The following ZBTB32 variants were observed in gnomAD, a reference collection of about 807,000 sequenced individuals.
The protein encoded by ZBTB32 is zinc finger and BTB domain containing 32.
A neutral mutation model predicts 45.3 loss-of-function variants in ZBTB32; 28 were observed. The ratio of observed to expected loss-of-function variants is 0.62; its 90% CI spans 0.46 to 0.85. The LOEUF is 0.85. Among genes scored for constraint, ZBTB32 ranks in the 40% least tolerant of loss-of-function variants. The pLI is 0.00. For synonymous variants in ZBTB32, 283 were observed against 255.7 expected (o/e 1.11, Z -1.02); for missense variants, 587 against 624.4 (o/e 0.94, Z 0.64).
chr19:35,711,193 G>A (rs1968683613), intron 1 of ZBTB32, among the ~76,000 whole-genome samples: 1 of 152,200 alleles, frequency 6.6e-6, no homozygotes, highest in Admixed American at 6.5e-5. Flanking sequence ...TGGAAAGCGA[G>A]GGGGCCACAC....
In ZBTB32 at chr19:35,716,174, T is replaced by A. The variant is rs771046426; in HGVS notation, c.1066T>A (p.Cys356Ser). The A allele has an allele frequency of 1.2e-6, 2 of 1,613,740 alleles. No homozygotes were observed. The highest frequency in any genetic ancestry group is 1.3e-5 in the African/African-American group (1 of 74,908). Residue 356 changes from cysteine to serine, a missense_variant, in exon 6 of 7, where the codon TGC becomes AGC. By Grantham distance (112) the Cys-to-Ser change is moderately radical. Coordinates refer to ENST00000392197, the MANE Select transcript of ZBTB32 (RefSeq NM_014383.3). ...TGCGGGTCATGAGGACAAGGCAGGC[T>A]GCCCACCTCGCCCGCACCCTCCCCC... ...TCAGHEDKAG[C>S]PPRPHPPPAP...
chr19:35,706,228 CA>C (rs11331490), intron 1 of ZBTB32, among the ~76,000 whole-genome samples: 80,552 of 130,664 alleles, frequency 0.62, 23,796 homozygotes, highest in African/African-American at 0.78. Flanking sequence ...AACTCCATCT[CA>C]AAAAAAAAAA....
At position 35,715,265 on chromosome 19, in the gene ZBTB32, G is replaced by A. The variant is rs771311014; in HGVS notation, c.639G>A (p.Thr213=). 8.2e-6 allele frequency: 13 copies of A among 1,587,372 alleles called. No homozygotes were observed. The South Asian group carries it at 1.2e-4, about 15-fold the overall frequency. Reference sequence around the variant, plus strand: ...CAGATGGGAAGCATGGAGTGCTCACGTGGTTGAGGGAAAATCCAGGGGGCT... The same window carrying A: ...CAGATGGGAAGCATGGAGTGCTCACATGGTTGAGGGAAAATCCAGGGGGCT... ...RGADGKHGVL[T]WLRENPGGSE... is the part of the protein sequence containing the mutation. The change falls in exon 3 of 7, where the codon ACG becomes ACA. Residue 213 remains threonine, a synonymous_variant. Transcript: ENST00000392197.
At chr19:35,714,472 G>T in intron 2 of ZBTB32, 51 bp from the exon 3 acceptor site, 1 of 758,364 alleles carries the variant, frequency 1.3e-6, no homozygotes. Flanking sequence ...TCAGGACAGA[G>T]GGCTCTGATC....
intron 1 of ZBTB32, among the ~76,000 whole-genome samples, chr19:35,710,763 C>G (rs1367576105): frequency 1.3e-5 from 2 of 152,104 alleles, no homozygotes; most frequent in Non-Finnish European, 2.9e-5. Context: ...AAAATAAAAA[C>G]AAAACAGCAC....
intron 1 of ZBTB32, among the ~76,000 whole-genome samples, chr19:35,707,502 T>C (rs945778143): frequency 1.3e-5 from 2 of 151,580 alleles, no homozygotes; most frequent in African/African-American, 4.8e-5. Flanking sequence ...CCCAAGTAGC[T>C]GGGATTACAG....
chr19:35,715,699 G>A (rs1968855394), intron 3 of ZBTB32, 58 bp from the exon 4 acceptor site: 5 of 1,541,922 alleles, frequency 3.2e-6, no homozygotes, highest in South Asian at 2.4e-5. Flanking sequence ...CCCTCTTCAC[G>A]AAGGGGCCAG....
rs371476322 is a variant in ZBTB32, at chr19:35,716,217, C to G, written c.1109C>G (p.Ser370Cys). Residue 370 changes from serine (S) to cysteine (C), a missense_variant, in exon 6 of 7, where the codon TCT becomes TGT. Coordinates refer to ENST00000392197, the MANE Select transcript of ZBTB32 (RefSeq NM_014383.3). The stretch of plus-strand genomic sequence containing the variant: ...CCTCCCCCGGCCCCTCCTGCTCGGT[C>G]TCGGCCCTATGCGTGCTCTGTCTGT... Reference protein sequence around the residue: ...PHPPPAPPARSRPYACSVCGK... With the variant: ...PHPPPAPPARCRPYACSVCGK... 9.2e-5 allele frequency: 149 copies of G among 1,613,954 alleles called. No homozygotes were observed. Among genetic ancestry groups the G allele is most frequent in the South Asian group, 1.3e-4 (12 of 91,060 alleles).
intron 1 of ZBTB32, among the ~76,000 whole-genome samples, chr19:35,710,146 G>A (rs919616027): frequency 6.6e-6 from 1 of 151,948 alleles, no homozygotes; most frequent in African/African-American, 2.4e-5. Context: ...GGAGGCGGAG[G>A]TTGCAGTGAG....
In ZBTB32 at chr19:35,708,721, A is replaced by G. The variant is rs1433898832; in HGVS notation, c.-222+4098A>G. Reference sequence around the variant, plus strand: ...ATCATATAGAGCACAAATTTAAGGGAAAAAGGGAACTAATTCACTCCTTGT... The same window carrying G: ...ATCATATAGAGCACAAATTTAAGGGGAAAAGGGAACTAATTCACTCCTTGT... On this transcript the variant is annotated intron_variant, in intron 1 of 6. Transcript: ENST00000392197. Among the ~76,000 whole-genome samples the G allele has an allele frequency of 1.3e-5, 2 of 152,190 alleles. 1 individual carries two copies. The highest frequency in any genetic ancestry group is 1.3e-4 in the Admixed American group (2 of 15,268).
chr19:35,706,814 G>A lies in ZBTB32; in HGVS notation c.-222+2191G>A, dbSNP rs74568041. 6.2e-3 allele frequency among the ~76,000 whole-genome samples: 939 copies of A among 152,314 alleles called. 2 individuals are homozygous for A. Among genetic ancestry groups the A allele is most frequent in the Non-Finnish European group, 0.01 (711 of 68,014 alleles). On this transcript the variant is annotated intron_variant, in intron 1 of 6. Coordinates refer to ENST00000392197, the MANE Select transcript of ZBTB32 (RefSeq NM_014383.3). ...TCATGGGGCAGGGTGTTGATACCTAGTTTCATTCAGCTGTTCAGTGGTATT... is the reference window on the plus strand; with the variant it reads ...TCATGGGGCAGGGTGTTGATACCTAATTTCATTCAGCTGTTCAGTGGTATT...
chr19:35,711,893 C>T (rs1251263731), intron 1 of ZBTB32, among the ~76,000 whole-genome samples: 2 of 151,846 alleles, frequency 1.3e-5, no homozygotes, highest in Admixed American at 6.6e-5. Context: ...GGCGTGGTGG[C>T]GGGCGCCTGT....
rs1968917009 is a variant in ZBTB32 at position 35,716,638 on chromosome 19, C to T, written c.1350C>T (p.His450=). The T allele has an allele frequency of 1.9e-6, 3 of 1,613,786 alleles. No individual in the cohort carries two copies. The highest frequency in any genetic ancestry group is 2.2e-5 in the East Asian group (1 of 44,874). ...CCATGCAGGCGCACATGCGCGGTCA[C>T]TCGCCCAGCCAACTCCCGCCCGGAT... ...LASMQAHMRG[H]SPSQLPPGWT... The change falls in exon 7 of 7, where the codon CAC becomes CAT. Residue 450 remains histidine (H), a synonymous_variant. Transcript: ENST00000392197.
chr19:35,706,287 C>T (rs1968541367), intron 1 of ZBTB32, among the ~76,000 whole-genome samples: 1 of 151,612 alleles, frequency 6.6e-6, no homozygotes, highest in South Asian at 2.1e-4. Context: ...CTCCCTGTCC[C>T]ACTCTTTCCC....
chr19:35,713,702 G>A (rs1365500236), intron 2 of ZBTB32, among the ~76,000 whole-genome samples: 1 of 152,226 alleles, frequency 6.6e-6, no homozygotes, highest in Non-Finnish European at 1.5e-5. Context: ...GTTTTGATGT[G>A]TGAGAAACTC....
chr19:35,716,090 G>A lies in ZBTB32; in HGVS notation c.1025-43G>A, dbSNP rs763306439. 1.9e-6 allele frequency: 3 copies of A among 1,611,780 alleles called. No homozygotes were observed. In the South Asian group the frequency reaches 3.3e-5, roughly 18 times the overall value. ...TGAATGGTACAGTGAGTTGGCGCTG[G>A]GATTCCTGGCCCTGCCCTCCTTTGC... On this transcript the variant is annotated intron_variant, in intron 5 of 6. Transcript: ENST00000392197.
At chr19:35,716,355 T>C (rs538151412) in intron 6 of ZBTB32, 58 bp downstream of exon 6, 2 of 1,603,884 alleles carry the variant, frequency 1.2e-6, no homozygotes, top group Non-Finnish European at 1.7e-6. Context: ...CGCTCCTGAG[T>C]CTCCACCTGT....
In ZBTB32 at chr19:35,714,974, G is replaced by C; in HGVS notation, c.348G>C (p.Arg116Ser). The C allele has an allele frequency of 1.2e-6, 2 of 1,600,742 alleles. No individual in the cohort carries two copies. The highest frequency in any genetic ancestry group is 1.7e-6 in the Non-Finnish European group (2 of 1,173,772). The change falls in exon 3 of 7, where the codon AGG becomes AGC. Residue 116 changes from arginine (R) to serine (S), a missense_variant. Coordinates refer to ENST00000392197, the MANE Select transcript of ZBTB32 (RefSeq NM_014383.3). ...EEACWRARGD[R>S]AKKPDPGLKK... ...CATGCTGGAGGGCTCGAGGGGACAGGGCTAAAAAGCCAGATCCAGGCCTGA... is the reference window on the plus strand; with the variant it reads ...CATGCTGGAGGGCTCGAGGGGACAGCGCTAAAAAGCCAGATCCAGGCCTGA...
At chr19:35,708,673 GTA>G (rs1348823129) in intron 1 of ZBTB32, among the ~76,000 whole-genome samples, 2 of 152,144 alleles carry the variant, frequency 1.3e-5, no homozygotes, top group Non-Finnish European at 2.9e-5. Context: ...GCTCACCTGG[GTA>G]TGACTATAGC....
Sources: gnomAD v4.1 joint callset for allele counts (sites outside exome capture counted in the v4.1 genomes callset) on GRCh38, gnomAD v4.1.1 for gene constraint, MANE v1.5 for transcripts, NCBI Gene and HGNC (gene_info 2026-07-23, HGNC 2026-07-21) for gene names.